The following MAN2A2 variants were observed in gnomAD, a reference collection of about 807,000 sequenced individuals.
The protein encoded by MAN2A2 is mannosidase alpha class 2A member 2.
A neutral mutation model predicts 126.8 loss-of-function variants in MAN2A2; 79 were observed. The observed-to-expected ratio is 0.62, with a 90% confidence interval of 0.52 to 0.75. The LOEUF is 0.75. Ranked by LOEUF, MAN2A2 falls within the 30% of genes least tolerant of loss-of-function variation. The pLI is 0.00. For missense variants in MAN2A2, 1,392 were observed against 1,522.4 expected (o/e 0.91, Z 1.43); for synonymous variants, 671 against 618.7 (o/e 1.08, Z -1.25).
In MAN2A2 at chr15:90,906,861, G is replaced by A; in HGVS notation, c.957G>A (p.Lys319=). Reference sequence around the variant, plus strand: ...TTCAGAGAGTGCACTATGCCATCAAGAAGCACTTTGCTGCCACCCACAGCC... The same window carrying A: ...TTCAGAGAGTGCACTATGCCATCAAAAAGCACTTTGCTGCCACCCACAGCC... ...MLIQRVHYAI[K]KHFAATHSLE... The change falls in exon 7 of 23, where the codon AAG becomes AAA. Residue 319 remains lysine (K), a synonymous_variant. Transcript: ENST00000559717. 6.2e-7 allele frequency: 1 copy of A among 1,614,118 alleles called. No individual in the cohort carries two copies. Among genetic ancestry groups the A allele is most frequent in the East Asian group, 2.2e-5 (1 of 44,892 alleles).
intron 18 of MAN2A2, 83 bp downstream of exon 18, chr15:90,913,489 T>C (rs1029502740): frequency 1.3e-6 from 2 of 1,566,398 alleles, no homozygotes; most frequent in Non-Finnish European, 1.7e-6. Flanking sequence ...CCCTGGGGGA[T>C]GATCTGCCCT....
rs752137799 is a variant in MAN2A2 at position 90,905,937 on chromosome 15, C to T, written c.628C>T (p.Arg210Cys). 3.7e-6 allele frequency: 6 copies of T among 1,613,516 alleles called. No individual in the cohort carries two copies. Among genetic ancestry groups the T allele is most frequent in the Admixed American group, 1.7e-5 (1 of 59,956 alleles). Residue 210 changes from arginine to cysteine, a missense_variant, in exon 5 of 23, where the codon CGC becomes TGC. By Grantham distance (180) the Arg-to-Cys change is radical. Transcript: ENST00000559717. ...TAAGCTGCAGGAGGACCCCCGGCGG[C>T]GCTTCCTCTGGGCAGAGGTCTCCTT... ...VSKLQEDPRR[R>C]FLWAEVSFFA...
At chr15:90,909,297 G>T in intron 8 of MAN2A2, 30 bp from the exon 9 acceptor site, 1 of 1,591,528 alleles carries the variant, frequency 6.3e-7, no homozygotes, top group African/African-American at 1.3e-5. Context: ...GAGACTTCGT[G>T]GTGGGCCCAT....
Position 90,910,622 on chromosome 15 carries a change from CAGCATCACGAT to C in MAN2A2, c.1700_1710del (p.Gln567ArgfsTer47). 2 of 1,614,194 alleles carry C rather than the reference CAGCATCACGAT, an allele frequency of 1.2e-6. No individual in the cohort carries two copies. Among genetic ancestry groups the C allele is most frequent in the Non-Finnish European group, 1.7e-6 (2 of 1,180,032 alleles). The stretch of plus-strand genomic sequence containing the variant: ...AGCTCGGCGCACATTGGGGCTCTTC[CAGCATCACGAT>C]GCCATCACTGGCACGGCCAAGGAGG... On this transcript the variant is annotated frameshift_variant, in exon 11 of 23. Transcript: ENST00000559717. LOFTEE classifies it high-confidence loss of function.
rs1234999071 is a variant in MAN2A2, at chr15:90,910,598, G to C, written c.1675G>C (p.Ala559Pro). 1.9e-6 allele frequency: 3 copies of C among 1,614,212 alleles called. No individual in the cohort carries two copies. The highest frequency in any genetic ancestry group is 2.5e-6 in the Non-Finnish European group (3 of 1,180,038). Residue 559 changes from alanine to proline, a missense_variant, in exon 11 of 23, where the codon GCT becomes CCT. Transcript: ENST00000559717. ...GTCTGATTTCACCCTCCTGACGGAA[G>C]CTCGGCGCACATTGGGGCTCTTCCA... ...PLSDFTLLTEARRTLGLFQHH... is the reference protein window; with the variant it reads ...PLSDFTLLTEPRRTLGLFQHH...
Position 90,912,951 on chromosome 15 carries a change from T to C in MAN2A2, c.2544T>C (p.Tyr848=), listed in dbSNP as rs2034878748. The C allele has an allele frequency of 3.1e-6, 5 of 1,614,120 alleles. No individual in the cohort carries two copies. In the East Asian group the frequency reaches 1.1e-4, roughly 36 times the overall value. The change falls in exon 17 of 23, where the codon TAT becomes TAC. Residue 848 remains tyrosine (Y), a synonymous_variant. Coordinates refer to ENST00000559717, the MANE Select transcript of MAN2A2 (RefSeq NM_006122.4). Reference sequence around the variant, plus strand: ...TCTTCTCAGAGGTGGTTGCGTACTATGAGCACATTCACCAGGCGGTCCGGC... The same window carrying C: ...TCTTCTCAGAGGTGGTTGCGTACTACGAGCACATTCACCAGGCGGTCCGGC... ...GPFFSEVVAY[Y]EHIHQAVRLY... is the part of the protein sequence containing the mutation.
rs148598348 is a variant in MAN2A2, at chr15:90,918,226, C to T, written c.3027C>T (p.Ser1009=). ...VQDSHSTSYP[S]LLSHLTSMYL... is the part of the protein sequence containing the mutation. The stretch of plus-strand genomic sequence containing the variant: ...ATAGCCACTCTACCAGCTACCCATC[C>T]CTCCTCAGCCACCTGACCTCCATGT... Residue 1009 remains serine, a synonymous_variant, in exon 21 of 23, where the codon TCC becomes TCT. Transcript: ENST00000559717. 1.2e-6 allele frequency: 2 copies of T among 1,613,878 alleles called. No homozygotes were observed. Among genetic ancestry groups the T allele is most frequent in the African/African-American group, 2.7e-5 (2 of 74,916 alleles).
At chr15:90,915,172 C>A (rs145631824) in intron 19 of MAN2A2, among the ~76,000 whole-genome samples, 373 of 152,360 alleles carry the variant, frequency 2.4e-3, no homozygotes, top group African/African-American at 8.6e-3. Context: ...CTTCTCCTCT[C>A]CCCCTCTGGG....
Position 90,916,300 on chromosome 15 carries a change from C to T in MAN2A2, c.2994+44C>T, listed in dbSNP as rs747829094. 9 of 1,594,858 alleles carry T rather than the reference C, an allele frequency of 5.6e-6. No individual in the cohort carries two copies. In the African/African-American group the frequency reaches 9.4e-5, roughly 17 times the overall value. ...GCCCAGGGAGCCAGGTCTGGCTAGTCCCTGGGGGTGGCCGGGGGGTCCAGC... is the reference window on the plus strand; with the variant it reads ...GCCCAGGGAGCCAGGTCTGGCTAGTTCCTGGGGGTGGCCGGGGGGTCCAGC... On this transcript the variant is annotated intron_variant, in intron 20 of 22. Coordinates refer to ENST00000559717, the MANE Select transcript of MAN2A2 (RefSeq NM_006122.4).
At position 90,918,755 on chromosome 15, in the gene MAN2A2, G is replaced by A. The variant is rs2035380019; in HGVS notation, c.3300G>A (p.Lys1100=). The A allele has an allele frequency of 6.6e-7, 1 of 1,519,228 alleles. No homozygotes were observed. 94.1% of individuals were successfully genotyped at this position (1,519,228 alleles called of 1,614,324 possible). A position where few individuals can be genotyped will look rare whatever the true frequency, so the allele number is the denominator to read the frequency against. The change falls in exon 22 of 23, where the codon AAG becomes AAA. Residue 1100 remains lysine (K), a splice_region_variant and synonymous_variant. Coordinates refer to ENST00000559717, the MANE Select transcript of MAN2A2 (RefSeq NM_006122.4). ...TCAACTGCACCACAAGCCAAGGCAA[G>A]GTGAGTAGGGTGGGGAAACAGAGCA... is the stretch of plus-strand genomic sequence containing the variant. ...LGFNCTTSQG[K]VALGSLFHGL... is the part of the protein sequence containing the mutation.
chr15:90,907,266 G>C, intron 7 of MAN2A2, 43 bp from the exon 8 acceptor site: 1 of 1,589,686 alleles, frequency 6.3e-7, no homozygotes, highest in Non-Finnish European at 8.6e-7. Context: ...CTGGCGTCCA[G>C]AGGCTGCCTG....
intron 20 of MAN2A2, chr15:90,916,645 G>A (rs969831381): frequency 1.5e-6 from 2 of 1,298,006 alleles, no homozygotes; most frequent in African/African-American, 3.0e-5. Flanking sequence ...ACAGCAGCAG[G>A]AGCGGTAACC....
rs749536282 is a variant in MAN2A2, at chr15:90,906,747, C to A, written c.843C>A (p.Thr281=). Residue 281 remains threonine, a synonymous_variant, in exon 7 of 23, where the codon ACC becomes ACA. Coordinates refer to ENST00000559717, the MANE Select transcript of MAN2A2 (RefSeq NM_006122.4). ...HQWLERNLGA[T]PRSGWAVDPF... is the part of the protein sequence containing the mutation. The stretch of plus-strand genomic sequence containing the variant: ...CTTCCATGCCCTGCCCAGGTGCAAC[C>A]CCCCGCTCTGGCTGGGCAGTGGACC... 4 of 1,611,854 alleles carry A rather than the reference C, an allele frequency of 2.5e-6. No homozygotes were observed. In the South Asian group the frequency reaches 4.4e-5, roughly 18 times the overall value.
At chr15:90,912,326 G>A (rs780212986) in intron 15 of MAN2A2, 47 bp downstream of exon 15, 109 of 1,596,234 alleles carry the variant, frequency 6.8e-5, no homozygotes, top group South Asian at 3.6e-4. Flanking sequence ...AGAGTAGGGC[G>A]TGTGTGGTGG....
chr15:90,913,733 G>T lies in MAN2A2; in HGVS notation c.2838G>T (p.Leu946=). ...KRLTLHTAQA[L]GVSSLKDGQL... Reference sequence around the variant, plus strand: ...TCACGCTGCACACTGCCCAGGCCCTGGGTGTCTCTAGCCTCAAAGATGGTG... The same window carrying T: ...TCACGCTGCACACTGCCCAGGCCCTTGGTGTCTCTAGCCTCAAAGATGGTG... Residue 946 remains leucine (L), a synonymous_variant, in exon 19 of 23, where the codon CTG becomes CTT. Transcript: ENST00000559717. 1 of 1,598,770 alleles carries T rather than the reference G, an allele frequency of 6.3e-7. No individual in the cohort carries two copies. Among genetic ancestry groups the T allele is most frequent in the East Asian group, 2.3e-5 (1 of 44,434 alleles).
At chr15:90,904,401 C>T in intron 2 of MAN2A2, 62 bp downstream of exon 2, 7 of 1,562,660 alleles carry the variant, frequency 4.5e-6, no homozygotes, top group Non-Finnish European at 6.1e-6. Context: ...GGGTATGCAC[C>T]TCCCACCCCG....
chr15:90,910,529 G>A lies in MAN2A2; in HGVS notation c.1606G>A (p.Ala536Thr), dbSNP rs760784426. ...GGCAGAGGTTCTGTACAGCCTGGCT[G>A]CAGCTCACGCTCGCCGCTCTGGTCT... ...RGAEVLYSLA[A>T]AHARRSGLAG... The change falls in exon 11 of 23, where the codon GCA becomes ACA. Residue 536 changes from alanine (A) to threonine (T), a missense_variant. Physicochemically the swap from Ala to Thr is moderately conservative, Grantham distance 58. Coordinates refer to ENST00000559717, the MANE Select transcript of MAN2A2 (RefSeq NM_006122.4). The A allele has an allele frequency of 6.2e-7, 1 of 1,614,054 alleles. No individual in the cohort carries two copies. The highest frequency in any genetic ancestry group is 8.5e-7 in the Non-Finnish European group (1 of 1,180,034).
chr15:90,913,020 G>A, intron 17 of MAN2A2, 29 bp downstream of exon 17: 3 of 1,578,344 alleles, frequency 1.9e-6, no homozygotes, highest in African/African-American at 2.7e-5. Flanking sequence ...GAAGGGTCTG[G>A]AAGGAGGTGT....
chr15:90,916,656 G>T (rs960831204), intron 20 of MAN2A2: 6 of 1,295,094 alleles, frequency 4.6e-6, no homozygotes, highest in Non-Finnish European at 6.0e-6. Flanking sequence ...AGCGGTAACC[G>T]AGAGGTAAGG....
Sources: gnomAD v4.1 joint callset for allele counts (sites outside exome capture counted in the v4.1 genomes callset) on GRCh38, gnomAD v4.1.1 for gene constraint, MANE v1.5 for transcripts, NCBI Gene and HGNC (gene_info 2026-07-23, HGNC 2026-07-21) for gene names.